Variants in CACHD1 observed in about 807,000 individuals in gnomAD.
The protein encoded by CACHD1 is cache domain containing 1.
In CACHD1, 71 loss-of-function variants were observed where a neutral mutation model predicts 138.7. That is an observed-to-expected ratio of 0.51 (90% CI 0.42 to 0.62). The LOEUF is 0.62. Among genes scored for constraint, CACHD1 ranks in the 20% least tolerant of loss-of-function variants. The pLI, the probability that CACHD1 is intolerant of heterozygous loss-of-function variation, is 0.00. For synonymous variants in CACHD1, 578 were observed against 591.5 expected (o/e 0.98, Z 0.33); for missense variants, 1,389 against 1,625.3 (o/e 0.85, Z 2.50).
intron 1 of CACHD1, among the ~76,000 whole-genome samples, chr1:64,493,416 A>G (rs1646289551): frequency 6.6e-6 from 1 of 152,204 alleles, no homozygotes; most frequent in Non-Finnish European, 1.5e-5. Context: ...ATTTTGAGAA[A>G]ATGCATCACA....
At chr1:64,546,075 G>T (rs771561389) in intron 1 of CACHD1, among the ~76,000 whole-genome samples, 4 of 152,084 alleles carry the variant, frequency 2.6e-5, no homozygotes, top group Non-Finnish European at 5.9e-5. Context: ...AGTATCTTTG[G>T]CTTCATTTCC....
intron 2 of CACHD1, among the ~76,000 whole-genome samples, chr1:64,580,731 G>C (rs960634860): frequency 6.6e-6 from 1 of 152,160 alleles, no homozygotes; most frequent in Admixed American, 6.6e-5. Context: ...TTGGGGTGCT[G>C]TCCTGTGCAT....
chr1:64,662,968 T>A (rs192213723), intron 13 of CACHD1, among the ~76,000 whole-genome samples: 1 of 152,344 alleles, frequency 6.6e-6, no homozygotes, highest in East Asian at 1.9e-4. Flanking sequence ...TTTACAAATA[T>A]TAACTCATTG....
At chr1:64,549,633 C>A (rs992590179) in intron 1 of CACHD1, among the ~76,000 whole-genome samples, 1 of 151,958 alleles carries the variant, frequency 6.6e-6, no homozygotes, top group Non-Finnish European at 1.5e-5. Flanking sequence ...TGTGTTAGGC[C>A]GTCTGGGAAG....
In CACHD1 at chr1:64,629,443, C is replaced by T. The variant is rs1490512537; in HGVS notation, c.606C>T (p.His202=). The T allele has an allele frequency of 6.2e-7, 1 of 1,614,122 alleles. No individual in the cohort carries two copies. The highest frequency in any genetic ancestry group is 8.5e-7 in the Non-Finnish European group (1 of 1,179,970). ...EEGIFTVFPA[H]KFRCKGSYEH... is the part of the protein sequence containing the mutation. Reference sequence around the variant, plus strand: ...GAATTTTCACTGTTTTCCCAGCACACAAGTTCCGGTGTAAGGGCAGCTACG... The same window carrying T: ...GAATTTTCACTGTTTTCCCAGCACATAAGTTCCGGTGTAAGGGCAGCTACG... The change falls in exon 5 of 27, where the codon CAC becomes CAT. Residue 202 remains histidine, a synonymous_variant. Transcript: ENST00000651257.
intron 2 of CACHD1, among the ~76,000 whole-genome samples, chr1:64,568,922 G>T (rs1164800989): frequency 3.3e-5 from 5 of 151,562 alleles, no homozygotes; most frequent in Non-Finnish European, 7.4e-5. Context: ...TGGTTTTTTT[G>T]TTTGTTTGTT....
At chr1:64,670,350 G>T (rs1321267025) in intron 16 of CACHD1, among the ~76,000 whole-genome samples, 1 of 152,124 alleles carries the variant, frequency 6.6e-6, no homozygotes, top group African/African-American at 2.4e-5. Flanking sequence ...ATTTCCCCAA[G>T]CTTTAGTTTT....
chr1:64,561,595 G>A (rs1407386620), intron 2 of CACHD1, among the ~76,000 whole-genome samples: 1 of 152,046 alleles, frequency 6.6e-6, no homozygotes, highest in African/African-American at 2.4e-5. Flanking sequence ...GCTCACACTC[G>A]TAATCCCAGC....
At position 64,644,463 on chromosome 1, in the gene CACHD1, T is replaced by G. The variant is rs147374737; in HGVS notation, c.1156+2494T>G. 3.3e-5 allele frequency among the ~76,000 whole-genome samples: 5 copies of G among 152,284 alleles called. No individual in the cohort carries two copies. The East Asian group carries it at 9.7e-4, about 30-fold the overall frequency. On this transcript the variant is annotated intron_variant, in intron 8 of 26. Transcript: ENST00000651257. ...AAGGAAGGGATCACTTCTCTTCCAT[T>G]AGATTTGAAGGTCTGCCTGGGCAGA...
At chr1:64,525,715 A>T (rs549477096) in intron 1 of CACHD1, among the ~76,000 whole-genome samples, 1 of 152,330 alleles carries the variant, frequency 6.6e-6, no homozygotes, top group South Asian at 2.1e-4. Context: ...TTCTCTATAG[A>T]CACTTCAGGT....
intron 4 of CACHD1, among the ~76,000 whole-genome samples, chr1:64,608,804 G>A (rs1184223314): frequency 1.3e-5 from 2 of 151,756 alleles, no homozygotes; most frequent in African/African-American, 4.8e-5. Context: ...ATTTTCTTGT[G>A]CATGGCCTGA....
At chr1:64,690,464 A>G (rs1007676527) in intron 26 of CACHD1, among the ~76,000 whole-genome samples, 2 of 152,242 alleles carry the variant, frequency 1.3e-5, no homozygotes, top group African/African-American at 2.4e-5. Flanking sequence ...ATTTAAAAAC[A>G]TGCCAGGAAT....
At chr1:64,669,286 G>A (rs1649739564) in intron 16 of CACHD1, among the ~76,000 whole-genome samples, 1 of 152,178 alleles carries the variant, frequency 6.6e-6, no homozygotes, top group Non-Finnish European at 1.5e-5. Context: ...CTGTACTTAA[G>A]AGGTCGAGTC....
At chr1:64,650,333 A>G (rs763773060) in intron 9 of CACHD1, among the ~76,000 whole-genome samples, 1 of 152,200 alleles carries the variant, frequency 6.6e-6, no homozygotes, top group Non-Finnish European at 1.5e-5. Context: ...ACTAAAGCTC[A>G]GGGGACTGTG....
chr1:64,665,820 C>T (rs533231323), intron 15 of CACHD1, among the ~76,000 whole-genome samples: 6 of 151,984 alleles, frequency 3.9e-5, no homozygotes, highest in East Asian at 1.9e-4. Context: ...ATCGAGACCA[C>T]GGTGAAACCC....
chr1:64,473,835 CTGT>C (rs1646159524), intron 1 of CACHD1, among the ~76,000 whole-genome samples: 1 of 152,130 alleles, frequency 6.6e-6, no homozygotes, highest in Non-Finnish European at 1.5e-5. Flanking sequence ...CAAACCAGGC[CTGT>C]TGTTTTGCAG....
rs1292389870 is a variant in CACHD1 at position 64,658,789 on chromosome 1, C to G, written c.1867C>G (p.Pro623Ala). ...ACAACTGAAGAACCTCAACACTGTTCCCAGCAGCAAGCTGCTGTACCACCG... is the reference window on the plus strand; with the variant it reads ...ACAACTGAAGAACCTCAACACTGTTGCCAGCAGCAAGCTGCTGTACCACCG... ...VKQLKNLNTV[P>A]SSKLLYHRLD... Residue 623 changes from proline (P) to alanine (A), a missense_variant, in exon 13 of 27, where the codon CCC (proline) becomes GCC (alanine). Pro to Ala is a conservative substitution (Grantham distance 27). Around this residue, in one of 5 missense-constraint regions of CACHD1, gnomAD observed 1,000 missense variants for 1,114.7 expected, o/e 0.90. Coordinates refer to ENST00000651257, the MANE Select transcript of CACHD1 (RefSeq NM_020925.4). The G allele has an allele frequency of 1.2e-6, 2 of 1,606,724 alleles. No individual in the cohort carries two copies. The highest frequency in any genetic ancestry group is 1.3e-5 in the African/African-American group (1 of 74,944).
In CACHD1 at chr1:64,582,236, T is replaced by C; in HGVS notation, c.342T>C (p.Tyr114=). The change falls in exon 3 of 27, where the codon TAT becomes TAC. Residue 114 remains tyrosine (Y), a synonymous_variant. Transcript: ENST00000651257. ...ACAAGCAAGTTGTAGAAGCATCCTA[T>C]ACGGCTCACCTAACCTCTCCCCTAA... ...NRNKQVVEAS[Y]TAHLTSPLTA... is the part of the protein sequence containing the mutation. The C allele has an allele frequency of 1.2e-6, 2 of 1,614,042 alleles. No homozygotes were observed. Among genetic ancestry groups the C allele is most frequent in the South Asian group, 1.1e-5 (1 of 91,076 alleles).
rs763378728 is a variant in CACHD1, at chr1:64,671,535, T to C, written c.2388-29T>C. 3.7e-6 allele frequency: 6 copies of C among 1,613,010 alleles called. No individual in the cohort carries two copies. The South Asian group carries it at 6.6e-5, about 18-fold the overall frequency. ...TTTATCCTTAAATAAGCCATGCCTA[T>C]TGTTCTCATTGATCTTTTTCACTTA... On this transcript the variant is annotated intron_variant, in intron 16 of 26. Transcript: ENST00000651257.
Sources: allele counts gnomAD v4.1 joint callset (sites outside exome capture counted in the v4.1 genomes callset), GRCh38; gene constraint gnomAD v4.1.1; regional missense constraint gnomAD v4.1.1; transcripts MANE v1.5; gene names NCBI Gene and HGNC (gene_info 2026-07-23, HGNC 2026-07-21).